The following SYCP1 variants were observed in gnomAD, a reference collection of about 807,000 sequenced individuals.
SYCP1 encodes cancer/testis antigen 8.
SYCP1 carries 64 observed loss-of-function variants against 153.1 expected under a neutral mutation model. The observed-to-expected ratio is 0.42, with a 90% CI of 0.34 to 0.51. The LOEUF (loss-of-function observed/expected upper bound fraction) is 0.51. Ranked by LOEUF, SYCP1 falls within the 20% of genes least tolerant of loss-of-function variation. SYCP1 has a pLI of 0.06. For synonymous variants in SYCP1, 384 were observed against 341.8 expected (o/e 1.12, Z -1.36); for missense variants, 997 against 1,049.0 (o/e 0.95, Z 0.68).
chr1:114,889,083 A>G (rs1287907879), intron 15 of SYCP1, among the ~76,000 whole-genome samples: 2 of 151,990 alleles, frequency 1.3e-5, no homozygotes, highest in African/African-American at 4.8e-5. Flanking sequence ...TATGTGCTAC[A>G]TTTTCTTTAT....
chr1:114,864,872 T>G (rs1664629975), intron 8 of SYCP1, among the ~76,000 whole-genome samples: 2 of 152,178 alleles, frequency 1.3e-5, no homozygotes, highest in South Asian at 4.1e-4. Flanking sequence ...TTTATTTTAT[T>G]ATTATTATAC....
intron 14 of SYCP1, 107 bp from the exon 15 acceptor site, chr1:114,887,519 G>A: frequency 3.5e-6 from 2 of 575,674 alleles, no homozygotes; most frequent in Admixed American, 3.4e-5. Flanking sequence ...AATCCAGTGG[G>A]TGAATCTATT....
At chr1:114,862,550 A>G (rs181915770) in intron 8 of SYCP1, among the ~76,000 whole-genome samples, 1 of 152,068 alleles carries the variant, frequency 6.6e-6, no homozygotes, top group East Asian at 1.9e-4. Flanking sequence ...GGATTTTACC[A>G]TGTTGGCCAG....
chr1:114,875,993 T>C (rs1385841457), intron 9 of SYCP1, 76 bp from the exon 10 acceptor site: 9 of 908,306 alleles, frequency 9.9e-6, no homozygotes, highest in Non-Finnish European at 1.3e-5. Flanking sequence ...ATGATACAAA[T>C]TTGGTAATAT....
At chr1:114,948,298 A>T (rs1670878734) in intron 27 of SYCP1, among the ~76,000 whole-genome samples, 1 of 152,262 alleles carries the variant, frequency 6.6e-6, no homozygotes, top group Non-Finnish European at 1.5e-5. Flanking sequence ...TTTAATCTTT[A>T]CAGCAATGTT....
intron 27 of SYCP1, among the ~76,000 whole-genome samples, chr1:114,964,256 G>A (rs1671963761): frequency 6.6e-6 from 1 of 152,062 alleles, no homozygotes; most frequent in Non-Finnish European, 1.5e-5. Flanking sequence ...TAAGTTCCTT[G>A]TAGATTCTGG....
At chr1:114,872,108 C>T (rs1665188017) in intron 8 of SYCP1, among the ~76,000 whole-genome samples, 1 of 150,452 alleles carries the variant, frequency 6.6e-6, no homozygotes, top group Non-Finnish European at 1.5e-5. Context: ...TCCCAAAGCA[C>T]TGGAATTACA....
intron 25 of SYCP1, among the ~76,000 whole-genome samples, chr1:114,946,028 A>G (rs982896896): frequency 6.6e-6 from 1 of 152,076 alleles, no homozygotes; most frequent in African/African-American, 2.4e-5. Context: ...TCCAAAGATA[A>G]AAGAATTATC....
chr1:114,952,976 C>T (rs1361776766), intron 27 of SYCP1, among the ~76,000 whole-genome samples: 1 of 152,124 alleles, frequency 6.6e-6, no homozygotes, highest in South Asian at 2.1e-4. Flanking sequence ...ATCAAGGTGC[C>T]AGCATCTGGT....
intron 26 of SYCP1, among the ~76,000 whole-genome samples, chr1:114,946,936 G>T (rs544073270): frequency 1.3e-5 from 2 of 152,028 alleles, no homozygotes; most frequent in Non-Finnish European, 2.9e-5. Flanking sequence ...AGTAGAGACG[G>T]GGTTTCACCA....
rs79776335 is a variant in SYCP1 at position 114,883,065 on chromosome 1, G to T, written c.911-2470G>T. Among the ~76,000 whole-genome samples the T allele has an allele frequency of 8.4e-3, 1,286 of 152,220 alleles. 21 individuals are homozygous for T. The highest frequency in any genetic ancestry group is 0.029 in the African/African-American group (1,221 of 41,536). On this transcript the variant is annotated intron_variant, in intron 12 of 31. Coordinates refer to ENST00000369522, the MANE Select transcript of SYCP1 (RefSeq NM_003176.4). ...CCCTCTGGGCACAAGCAAGTTTTGTGGTTACCTTACTTCTATAGGTTTCTA... is the reference window on the plus strand; with the variant it reads ...CCCTCTGGGCACAAGCAAGTTTTGTTGTTACCTTACTTCTATAGGTTTCTA...
At chr1:114,892,698 C>G in intron 15 of SYCP1, among the ~76,000 whole-genome samples, 1 of 152,056 alleles carries the variant, frequency 6.6e-6, no homozygotes, top group African/African-American at 2.4e-5. Flanking sequence ...TCCTGGCGCA[C>G]GCACGGGAAG....
Position 114,860,795 on chromosome 1 carries a change from A to G in SYCP1, c.584A>G (p.Glu195Gly), listed in dbSNP as rs1010880949. 5 of 1,589,888 alleles carry G rather than the reference A, an allele frequency of 3.1e-6. No homozygotes were observed. In the African/African-American group the frequency reaches 4.1e-5, roughly 13 times the overall value. ...LLKETCARSA[E>G]KTKKYEYERE... The stretch of plus-strand genomic sequence containing the variant: ...AAAGAAACCTGTGCTAGATCTGCAG[A>G]AAAGACAAAGAAATGTAAATATCTT... Residue 195 changes from glutamate (E) to glycine (G), a missense_variant, in exon 8 of 32, where the codon GAA (glutamate) becomes GGA (glycine). This residue lies in a region of SYCP1 where 285 missense variants were observed against 366.1 expected (regional missense o/e 0.78). Coordinates refer to ENST00000369522, the MANE Select transcript of SYCP1 (RefSeq NM_003176.4).
intron 23 of SYCP1, 44 bp downstream of exon 23, chr1:114,926,607 G>A (rs1669266314): frequency 6.9e-6 from 10 of 1,445,806 alleles, no homozygotes; most frequent in South Asian, 1.3e-5. Context: ...CTAATAGATA[G>A]ATGAGAATTT....
chr1:114,986,984 G>T (rs1442234354), intron 30 of SYCP1, among the ~76,000 whole-genome samples: 4 of 151,956 alleles, frequency 2.6e-5, no homozygotes, highest in Admixed American at 2.0e-4. Context: ...GCCAGAGGGG[G>T]CAATAGGACT....
intron 30 of SYCP1, 42 bp from the exon 31 acceptor site, chr1:114,994,656 T>C (rs1051348627): frequency 1.4e-6 from 2 of 1,409,052 alleles, no homozygotes; most frequent in Middle Eastern, 2.0e-4. Context: ...ATAATATTAA[T>C]GATGGTAAAC....
chr1:114,881,081 A>ACT (rs1665892937), intron 12 of SYCP1, among the ~76,000 whole-genome samples: 2 of 151,796 alleles, frequency 1.3e-5, no homozygotes, highest in African/African-American at 4.8e-5. Context: ...ACACACACAC[A>ACT]CACACACACA....
At chr1:114,941,855 T>C (rs72695817) in intron 23 of SYCP1, among the ~76,000 whole-genome samples, 3,547 of 152,234 alleles carry the variant, frequency 0.023, 55 homozygotes, top group South Asian at 0.035. Context: ...AATATTGTAT[T>C]AAATTACCTT....
At chr1:114,871,837 T>C (rs1284373134) in intron 8 of SYCP1, among the ~76,000 whole-genome samples, 3 of 152,096 alleles carry the variant, frequency 2.0e-5, no homozygotes, top group African/African-American at 7.2e-5. Flanking sequence ...CCAACTGCCT[T>C]GGCCTCCCAA....
Sources: gnomAD v4.1 joint callset for allele counts (sites outside exome capture counted in the v4.1 genomes callset) on GRCh38, gnomAD v4.1.1 for gene constraint, gnomAD v4.1.1 regional missense constraint, MANE v1.5 for transcripts, NCBI Gene and HGNC (gene_info 2026-07-23, HGNC 2026-07-21) for gene names.